The following CDH13 variants were observed in gnomAD, a reference collection of about 807,000 sequenced individuals.
CDH13 encodes the protein cadherin-13.
A neutral mutation model predicts 63.8 loss-of-function variants in CDH13; 24 were observed. The ratio of observed to expected loss-of-function variants is 0.38; its 90% CI spans 0.27 to 0.53. CDH13 has a LOEUF of 0.53. CDH13 is among the 20% of genes least tolerant of loss of function. The pLI is 0.85. For synonymous variants in CDH13, 503 were observed against 355.3 expected, an observed-to-expected ratio of 1.42 and a Z score of -4.67; for missense variants, 1,049 against 903.1, an observed-to-expected ratio of 1.16 and a Z score of -2.07.
intron 6 of CDH13, among the ~76,000 whole-genome samples, chr16:83,430,358 C>G (rs879301106): frequency 8.6e-5 from 13 of 152,020 alleles, no homozygotes; most frequent in Admixed American, 8.5e-4. Context: ...GAAGAGGACT[C>G]CAAAGACAGA....
chr16:83,773,208 T>C (rs1438921677), intron 11 of CDH13, among the ~76,000 whole-genome samples: 2 of 152,116 alleles, frequency 1.3e-5, no homozygotes, highest in Non-Finnish European at 2.9e-5. Flanking sequence ...GGTTGGAAGA[T>C]TTACATCTCA....
At chr16:83,526,464 C>T (rs73605880) in intron 7 of CDH13, among the ~76,000 whole-genome samples, 7,104 of 152,208 alleles carry the variant, frequency 0.047, 549 homozygotes, top group African/African-American at 0.16. Context: ...AAGGAGCATG[C>T]AAGCTAGATC....
chr16:83,090,365 G>T (rs1297009469), intron 3 of CDH13, among the ~76,000 whole-genome samples: 1 of 151,968 alleles, frequency 6.6e-6, no homozygotes, highest in Non-Finnish European at 1.5e-5. Context: ...CATGAGGTCA[G>T]GAGTTGGAGA....
Position 83,491,568 on chromosome 16 carries a change from GTTT to G in CDH13, c.960+4925_960+4927del, listed in dbSNP as rs57321427. On this transcript the variant is annotated intron_variant, in intron 7 of 13. Transcript: ENST00000567109. ...CTACTCAGAGTAACTAATGGTCAGG[GTTT>G]TTTTTTTTTTTCTTTTTTAATGGAA... Among the ~76,000 whole-genome samples, 766 of 143,246 alleles carry G rather than the reference GTTT, an allele frequency of 5.3e-3. 8 individuals carry two copies. Among genetic ancestry groups the G allele is most frequent in the African/African-American group, 0.018 (717 of 39,218 alleles). 94.0% of individuals were successfully genotyped at this position (143,246 alleles called of 152,430 possible). A position where few individuals can be genotyped will look rare whatever the true frequency, so the allele number is the denominator to read the frequency against.
chr16:83,270,883 C>T (rs572018353), intron 5 of CDH13, among the ~76,000 whole-genome samples: 2 of 149,962 alleles, frequency 1.3e-5, no homozygotes, highest in Non-Finnish European at 3.0e-5. Flanking sequence ...GCCTTCCCTC[C>T]CTCCCTCCCT....
rs566903133 is a variant in CDH13 at position 82,875,310 on chromosome 16, C to T, written c.157+16837C>T. 4.6e-5 allele frequency among the ~76,000 whole-genome samples: 7 copies of T among 152,210 alleles called. No homozygotes were observed. In the East Asian group the frequency reaches 5.8e-4, roughly 13 times the overall value. ...AGAGGTTGGATTATCTGTTGAAAAGCGTTTTGTTGGCTATAATTACAATAT... is the reference window on the plus strand; with the variant it reads ...AGAGGTTGGATTATCTGTTGAAAAGTGTTTTGTTGGCTATAATTACAATAT... On this transcript the variant is annotated intron_variant, in intron 2 of 13. Coordinates refer to ENST00000567109, the MANE Select transcript of CDH13 (RefSeq NM_001257.5).
intron 1 of CDH13, among the ~76,000 whole-genome samples, chr16:82,637,396 C>A (rs1295751002): frequency 6.7e-6 from 1 of 148,196 alleles, no homozygotes; most frequent in Admixed American, 6.7e-5. Context: ...GTACTTTATC[C>A]TCAGAAGCTG....
Position 83,568,805 on chromosome 16 carries a change from C to A in CDH13, c.961-33649C>A, listed in dbSNP as rs573713320. ...TTCCTCCTCCAGAGCTCCTCGTGAT[C>A]ATCTCCCAAAGCCACTCACTTGCTG... On this transcript the variant is annotated intron_variant, in intron 7 of 13. Coordinates refer to ENST00000567109, the MANE Select transcript of CDH13 (RefSeq NM_001257.5). Among the ~76,000 whole-genome samples, 4 of 152,282 alleles carry A rather than the reference C, an allele frequency of 2.6e-5. No homozygotes were observed. In the East Asian group the frequency reaches 7.7e-4, roughly 29 times the overall value.
At chr16:83,181,141 G>C (rs1371158520) in intron 4 of CDH13, 3 of 843,356 alleles carry the variant, frequency 3.6e-6, no homozygotes, top group Non-Finnish European at 3.5e-6. Context: ...TGTAGACAGA[G>C]AGTCAGAAGT....
chr16:82,772,275 C>G (rs1449196862), intron 1 of CDH13, among the ~76,000 whole-genome samples: 1 of 152,146 alleles, frequency 6.6e-6, no homozygotes, highest in East Asian at 1.9e-4. Flanking sequence ...TACTGGCATA[C>G]TACCGGAGCT....
chr16:83,758,994 A>G (rs537519547), intron 11 of CDH13, among the ~76,000 whole-genome samples: 4 of 152,356 alleles, frequency 2.6e-5, no homozygotes, highest in East Asian at 3.9e-4. Flanking sequence ...ATGCAATACC[A>G]TGCAAAGTCC....
At chr16:83,063,373 G>T (rs1008786294) in intron 3 of CDH13, among the ~76,000 whole-genome samples, 1 of 152,144 alleles carries the variant, frequency 6.6e-6, no homozygotes, top group Non-Finnish European at 1.5e-5. Flanking sequence ...TGTTCTGTTC[G>T]TCAAAGCAGC....
At chr16:83,578,924 C>A (rs1006308300) in intron 7 of CDH13, among the ~76,000 whole-genome samples, 2 of 152,204 alleles carry the variant, frequency 1.3e-5, no homozygotes, top group Admixed American at 1.3e-4. Flanking sequence ...ACCTAAAGTC[C>A]TATGTGCAGG....
intron 3 of CDH13, among the ~76,000 whole-genome samples, chr16:83,037,106 C>G (rs988048380): frequency 4.6e-5 from 7 of 152,170 alleles, no homozygotes; most frequent in African/African-American, 1.7e-4. Flanking sequence ...GGAGCCTTGA[C>G]TGGAGTAGGG....
intron 6 of CDH13, among the ~76,000 whole-genome samples, chr16:83,389,092 C>G (rs2091734927): frequency 6.6e-6 from 1 of 152,160 alleles, no homozygotes. Context: ...AGACAATGGT[C>G]AATTAAAAAG....
At chr16:83,425,036 C>T (rs904964380) in intron 6 of CDH13, among the ~76,000 whole-genome samples, 1 of 152,206 alleles carries the variant, frequency 6.6e-6, no homozygotes, top group Non-Finnish European at 1.5e-5. Flanking sequence ...TTCCTTTTCC[C>T]TTAGTGGTTC....
At chr16:82,701,233 TCTC>T (rs1467643592) in intron 1 of CDH13, among the ~76,000 whole-genome samples, 1 of 152,150 alleles carries the variant, frequency 6.6e-6, no homozygotes, top group Non-Finnish European at 1.5e-5. Context: ...CAAATCCACA[TCTC>T]CTTTCAACCT....
At chr16:83,078,139 C>T (rs1397737282) in intron 3 of CDH13, among the ~76,000 whole-genome samples, 1 of 152,174 alleles carries the variant, frequency 6.6e-6, no homozygotes, top group Non-Finnish European at 1.5e-5. Flanking sequence ...CGGGGGTCAA[C>T]ATCGGCAGAG....
intron 10 of CDH13, among the ~76,000 whole-genome samples, chr16:83,728,342 C>CGTGTGTGCGTGT (rs1910664895): frequency 6.7e-6 from 1 of 149,212 alleles, no homozygotes; most frequent in Non-Finnish European, 1.5e-5. Context: ...TATGTGTGTG[C>CGTGTGTGCGTGT]GTGTGTGTGT....
Sources: gnomAD v4.1 joint callset for allele counts (sites outside exome capture counted in the v4.1 genomes callset) on GRCh38, gnomAD v4.1.1 for gene constraint, MANE v1.5 for transcripts, NCBI Gene and HGNC (gene_info 2026-07-23, HGNC 2026-07-21) for gene names.